KIF13A: variants seen among roughly 807,000 people sequenced by gnomAD.
KIF13A encodes kinesin family member 13A.
KIF13A carries 79 observed loss-of-function variants against 212.2 expected under a neutral mutation model. That is an observed-to-expected ratio of 0.37 (90% CI 0.31 to 0.45). The LOEUF is 0.45. Among genes scored for constraint, KIF13A ranks in the 20% least tolerant of loss-of-function variants. The pLI is 1.00. For synonymous variants in KIF13A, 789 were observed against 808.6 expected, an observed-to-expected ratio of 0.98 and a Z score of 0.41; for missense variants, 1,901 against 2,209.0, an observed-to-expected ratio of 0.86 and a Z score of 2.79.
rs1307246776 is a variant in KIF13A at position 17,888,886 on chromosome 6, C to T, written c.159+9282G>A. Among the ~76,000 whole-genome samples the T allele has an allele frequency of 1.3e-5, 2 of 151,902 alleles. No individual in the cohort carries two copies. Among genetic ancestry groups the T allele is most frequent in the African/African-American group, 4.8e-5 (2 of 41,380 alleles). ...AATATAAAAATAATAATATATTTAACCAAATATATAAAAAATCTTATATTC... is the reference window on the plus strand; with the variant it reads ...AATATAAAAATAATAATATATTTAATCAAATATATAAAAAATCTTATATTC... On this transcript the variant is annotated intron_variant, in intron 3 of 38. Transcript: ENST00000259711. The surrounding 1 kb of genome is among the most constrained non-coding windows in gnomAD (Gnocchi z 4.8).
At chr6:17,881,614 T>C (rs899720556) in intron 3 of KIF13A, 10 of 359,484 alleles carry the variant, frequency 2.8e-5, no homozygotes, top group African/African-American at 1.5e-4. Flanking sequence ...GGAGAATCAC[T>C]TGAACTCAGG....
Position 17,899,778 on chromosome 6 carries a change from T to G in KIF13A, c.147-1598A>C, listed in dbSNP as rs1772895194. ...TGCCATCAAGCAAGTCTCAACATAT[T>G]TGTATGTCTACCCTTTAAAACAAGA... On this transcript the variant is annotated intron_variant, in intron 2 of 38. Coordinates refer to ENST00000259711, the MANE Select transcript of KIF13A (RefSeq NM_022113.6). This position sits in a 1 kb window ranked among gnomAD's most constrained non-coding sequence, Gnocchi z 5.2. 6.6e-6 allele frequency among the ~76,000 whole-genome samples: 1 copy of G among 152,154 alleles called. No individual in the cohort carries two copies. Among genetic ancestry groups the G allele is most frequent in the Non-Finnish European group, 1.5e-5 (1 of 68,028 alleles).
chr6:17,788,601 G>A (rs1561973393), intron 26 of KIF13A, among the ~76,000 whole-genome samples: 1 of 152,168 alleles, frequency 6.6e-6, no homozygotes, highest in Non-Finnish European at 1.5e-5. Context: ...ATTATGAGTA[G>A]GGAAAGAAAA....
intron 2 of KIF13A, among the ~76,000 whole-genome samples, chr6:17,907,086 C>T (rs1773576874): frequency 6.6e-6 from 1 of 152,184 alleles, no homozygotes; most frequent in African/African-American, 2.4e-5. Context: ...TAATAGCTAA[C>T]ACTTACTGAG....
In KIF13A at chr6:17,783,971, A is replaced by G. The variant is rs1760829134; in HGVS notation, c.3489-270T>C. Among the ~76,000 whole-genome samples, 3 of 152,200 alleles carry G rather than the reference A, an allele frequency of 2.0e-5. No individual in the cohort carries two copies. The highest frequency in any genetic ancestry group is 2.4e-5 in the African/African-American group (1 of 41,452). Reference sequence around the variant, plus strand: ...CCTTTCTAAAAATAATTCCCATGAGAGGTAAAGGGAAGGGGGGATGTTGTT... The same window carrying G: ...CCTTTCTAAAAATAATTCCCATGAGGGGTAAAGGGAAGGGGGGATGTTGTT... On this transcript the variant is annotated intron_variant, in intron 28 of 38. Coordinates refer to ENST00000259711, the MANE Select transcript of KIF13A (RefSeq NM_022113.6). The surrounding 1 kb of genome is among the most constrained non-coding windows in gnomAD (Gnocchi z 4.3).
At chr6:17,936,397 G>C (rs112715133) in intron 2 of KIF13A, 2,186 of 193,076 alleles carry the variant, frequency 0.011, 53 homozygotes, top group African/African-American at 0.048. Context: ...CAAAGTGCTG[G>C]GATTACAGGG....
intron 23 of KIF13A, among the ~76,000 whole-genome samples, chr6:17,795,540 A>G (rs1300593053): frequency 6.6e-6 from 1 of 151,078 alleles, no homozygotes; most frequent in Non-Finnish European, 1.5e-5. Flanking sequence ...GGTTGCAGTG[A>G]GCTAAGATCG....
In KIF13A at chr6:17,828,637, G is replaced by A. The variant is rs916720728; in HGVS notation, c.1402-267C>T. Among the ~76,000 whole-genome samples, 1 of 152,156 alleles carries A rather than the reference G, an allele frequency of 6.6e-6. No homozygotes were observed. On this transcript the variant is annotated intron_variant, in intron 13 of 38. Coordinates refer to ENST00000259711, the MANE Select transcript of KIF13A (RefSeq NM_022113.6). This position sits in a 1 kb window ranked among gnomAD's most constrained non-coding sequence, Gnocchi z 4.3. The stretch of plus-strand genomic sequence containing the variant: ...TTAACACAGGAAATTGGACTTGACA[G>A]TAGAATACTTTGAGTTTCAATTGTG...
In KIF13A at chr6:17,897,735, T is replaced by C. The variant is rs1301022984; in HGVS notation, c.159+433A>G. On this transcript the variant is annotated intron_variant, in intron 3 of 38. Transcript: ENST00000259711. This position sits in a 1 kb window ranked among gnomAD's most constrained non-coding sequence, Gnocchi z 4.8. ...TTGGGGCACAGGAAAAGATCGTTTG[T>C]CCAATCAGTAATCACAGTTACCAAC... 6.6e-6 allele frequency among the ~76,000 whole-genome samples: 1 copy of C among 152,222 alleles called. No homozygotes were observed. The highest frequency in any genetic ancestry group is 1.5e-5 in the Non-Finnish European group (1 of 68,034).
Position 17,816,974 on chromosome 6 carries a change from C to T in KIF13A, c.2000+46G>A, listed in dbSNP as rs770884238. Reference sequence around the variant, plus strand: ...CAAAAACCCCTCCCTCAAAGACCCACGGCCTTGGGGCCTTGACTCTGGGCT... The same window carrying T: ...CAAAAACCCCTCCCTCAAAGACCCATGGCCTTGGGGCCTTGACTCTGGGCT... On this transcript the variant is annotated intron_variant, in intron 17 of 38. Coordinates refer to ENST00000259711, the MANE Select transcript of KIF13A (RefSeq NM_022113.6). This position sits in a 1 kb window ranked among gnomAD's most constrained non-coding sequence, Gnocchi z 4.3. 1.6e-5 allele frequency: 24 copies of T among 1,516,074 alleles called. No individual in the cohort carries two copies. Among genetic ancestry groups the T allele is most frequent in the East Asian group, 4.7e-5 (2 of 42,464 alleles). The allele number at this position is 1,516,074 out of a possible 1,614,324, so 93.9% of individuals were successfully genotyped here.
Position 17,777,257 on chromosome 6 carries a change from C to A in KIF13A, c.4170+20G>T. ...TGCGACATGTCACATAGGAGCAGAT[C>A]CTTGGCAGGATGCACTTACATTATG... On this transcript the variant is annotated intron_variant, in intron 34 of 38. Transcript: ENST00000259711. The surrounding 1 kb of genome is among the most constrained non-coding windows in gnomAD (Gnocchi z 4.4). 1 of 1,595,962 alleles carries A rather than the reference C, an allele frequency of 6.3e-7. No homozygotes were observed. The highest frequency in any genetic ancestry group is 8.6e-7 in the Non-Finnish European group (1 of 1,167,074).
chr6:17,835,197 A>G (rs1218475182), intron 11 of KIF13A, among the ~76,000 whole-genome samples: 3 of 11,728 alleles, frequency 2.6e-4, no homozygotes, highest in African/African-American at 1.3e-3. Context: ...GCCCCCGCCA[A>G]AAAAAAAAAA....
Position 17,871,020 on chromosome 6 carries a change from G to T in KIF13A, c.220+2357C>A, listed in dbSNP as rs1769952173. 6.6e-6 allele frequency among the ~76,000 whole-genome samples: 1 copy of T among 152,178 alleles called. No homozygotes were observed. Among genetic ancestry groups the T allele is most frequent in the African/African-American group, 2.4e-5 (1 of 41,442 alleles). On this transcript the variant is annotated intron_variant, in intron 4 of 38. Coordinates refer to ENST00000259711, the MANE Select transcript of KIF13A (RefSeq NM_022113.6). This position sits in a 1 kb window ranked among gnomAD's most constrained non-coding sequence, Gnocchi z 4.4. ...ATTGTCCAAGAGAACCAAGGCAGAG[G>T]TCCTGAAATTCAAACACAGGTCTCA...
intron 2 of KIF13A, among the ~76,000 whole-genome samples, chr6:17,940,563 A>G (rs1294979090): frequency 1.3e-5 from 2 of 152,104 alleles, no homozygotes; most frequent in South Asian, 2.1e-4. Context: ...AGGCAGCAGC[A>G]GAGTTAAGAG....
chr6:17,760,396 C>G (rs1758534823), downstream of KIF13A: 1 of 153,500 alleles, frequency 6.5e-6, no homozygotes, highest in South Asian at 2.1e-4. Context: ...TAGTGTGCAG[C>G]CTTGTCTGTC....
chr6:17,840,064 T>C (rs1766363165), intron 9 of KIF13A, among the ~76,000 whole-genome samples: 3 of 152,202 alleles, frequency 2.0e-5, no homozygotes, highest in African/African-American at 7.2e-5. Context: ...AGGCAGTGGT[T>C]GACTAGGGCT....
chr6:17,874,999 G>GCACACACACGCA (rs1554188630), intron 3 of KIF13A, among the ~76,000 whole-genome samples: 1 of 120,330 alleles, frequency 8.3e-6, no homozygotes, highest in South Asian at 3.4e-4. Flanking sequence ...ACACGCACAC[G>GCACACACACGCA]CACGCACACA....
chr6:17,801,638 A>G (rs947435402), intron 20 of KIF13A, among the ~76,000 whole-genome samples: 24 of 152,208 alleles, frequency 1.6e-4, no homozygotes, highest in Non-Finnish European at 3.4e-4. Context: ...ACCAAGAACT[A>G]ACTGTGCCAG....
In KIF13A at chr6:17,898,335, G is replaced by T. The variant is rs1471198522; in HGVS notation, c.147-155C>A. On this transcript the variant is annotated intron_variant, in intron 2 of 38. Transcript: ENST00000259711. The surrounding 1 kb of genome is among the most constrained non-coding windows in gnomAD (Gnocchi z 5.2). The stretch of plus-strand genomic sequence containing the variant: ...AAGATATTCTTCTTCATGAAGATCA[G>T]AAGCCAAATTCAAACACATTACTGA... Among the ~76,000 whole-genome samples, 1 of 152,202 alleles carries T rather than the reference G, an allele frequency of 6.6e-6. No homozygotes were observed. The highest frequency in any genetic ancestry group is 2.4e-5 in the African/African-American group (1 of 41,460).
Sources: gnomAD v4.1 joint callset for allele counts (sites outside exome capture counted in the v4.1 genomes callset) on GRCh38, gnomAD v4.1.1 for gene constraint, Gnocchi (gnomAD v3.1) non-coding constraint, MANE v1.5 for transcripts, NCBI Gene and HGNC (gene_info 2026-07-23, HGNC 2026-07-21) for gene names.